EXOC4: variants seen among roughly 807,000 people sequenced by gnomAD.
The protein encoded by EXOC4 is SEC8-like 1.
In EXOC4, 71 loss-of-function variants were observed where a neutral mutation model predicts 107.2. The observed-to-expected ratio is 0.66, with a 90% confidence interval of 0.55 to 0.81. The LOEUF is 0.81. EXOC4 is among the 30% of genes least tolerant of loss of function. The probability of loss-of-function intolerance (pLI) is 0.00; values close to 1 mark genes in which losing one functional copy is unlikely to be tolerated. For synonymous variants in EXOC4, 456 were observed against 441.2 expected (o/e 1.03, Z -0.42); for missense variants, 1,108 against 1,189.6 (o/e 0.93, Z 1.01).
intron 17 of EXOC4, among the ~76,000 whole-genome samples, chr7:134,048,552 C>T (rs1189586804): frequency 6.6e-6 from 1 of 152,204 alleles, no homozygotes; most frequent in African/African-American, 2.4e-5. Context: ...CCCTCCCTCA[C>T]ATTTCAACCA....
chr7:133,777,922 G>A (rs1025019767), intron 10 of EXOC4, among the ~76,000 whole-genome samples: 4 of 152,096 alleles, frequency 2.6e-5, no homozygotes, highest in Non-Finnish European at 4.4e-5. Context: ...ACTTTACCCA[G>A]GTAATAGTCT....
At chr7:133,553,493 C>T (rs533331229) in intron 9 of EXOC4, among the ~76,000 whole-genome samples, 1 of 152,258 alleles carries the variant, frequency 6.6e-6, no homozygotes, top group South Asian at 2.1e-4. Context: ...GAACTCCTTG[C>T]TATTCCTGAG....
intron 1 of EXOC4, among the ~76,000 whole-genome samples, chr7:133,268,421 A>C (rs1793788052): frequency 6.6e-6 from 1 of 152,066 alleles, no homozygotes; most frequent in East Asian, 1.9e-4. Context: ...ACTTTTGGTG[A>C]CTGACCTTAT....
intron 9 of EXOC4, among the ~76,000 whole-genome samples, chr7:133,626,138 C>T (rs1416058345): frequency 6.6e-5 from 10 of 151,750 alleles, no homozygotes; most frequent in Non-Finnish European, 1.0e-4. Context: ...ACCTGGGAGG[C>T]GGAGGTTGCA....
the EXOC4 span, among the ~76,000 whole-genome samples, chr7:134,087,243 G>A: frequency 6.6e-6 from 1 of 152,108 alleles, no homozygotes; most frequent in Non-Finnish European, 1.5e-5. Context: ...GTTTGCAGAG[G>A]GATGAAGATC....
chr7:133,590,656 C>T (rs1240763043), intron 9 of EXOC4, among the ~76,000 whole-genome samples: 2 of 152,082 alleles, frequency 1.3e-5, no homozygotes, highest in Non-Finnish European at 2.9e-5. Flanking sequence ...GGCGGGACTT[C>T]GGGGAAGAGT....
chr7:133,821,305 A>G (rs1237760029), intron 11 of EXOC4, among the ~76,000 whole-genome samples: 1 of 152,184 alleles, frequency 6.6e-6, no homozygotes, highest in Non-Finnish European at 1.5e-5. Context: ...TAACTTGCCC[A>G]CAGTCACATA....
At chr7:133,472,596 G>A (rs532601887) in intron 7 of EXOC4, among the ~76,000 whole-genome samples, 1 of 152,300 alleles carries the variant, frequency 6.6e-6, no homozygotes, top group South Asian at 2.1e-4. Context: ...ACAGATGTGG[G>A]ACTGGAGCTC....
At chr7:133,605,379 AC>A (rs1174813396) in intron 9 of EXOC4, among the ~76,000 whole-genome samples, 9 of 152,118 alleles carry the variant, frequency 5.9e-5, no homozygotes, top group Non-Finnish European at 1.2e-4. Context: ...CCTATAGGAA[AC>A]CGCTATTCAT....
intron 7 of EXOC4, among the ~76,000 whole-genome samples, chr7:133,427,417 C>T (rs192594762): frequency 1.3e-3 from 199 of 152,262 alleles, no homozygotes; most frequent in Non-Finnish European, 1.7e-3. Context: ...AAACTATTAT[C>T]TTATGGAATG....
chr7:133,480,467 C>A, intron 9 of EXOC4: 2 of 1,106,660 alleles, frequency 1.8e-6, no homozygotes, highest in African/African-American at 3.2e-5. Context: ...ACTGTTACTT[C>A]TAATTGTTGT....
chr7:133,649,089 G>A (rs987546035), intron 10 of EXOC4, among the ~76,000 whole-genome samples: 1 of 152,054 alleles, frequency 6.6e-6, no homozygotes, highest in African/African-American at 2.4e-5. Flanking sequence ...ATTTAGTTGA[G>A]CATTTTCTTG....
chr7:134,059,997 C>T (rs950110767), intron 17 of EXOC4, among the ~76,000 whole-genome samples: 3 of 152,056 alleles, frequency 2.0e-5, no homozygotes, highest in South Asian at 2.1e-4. Flanking sequence ...GAGAAAGAGT[C>T]GCAGTGCAAT....
intron 14 of EXOC4, among the ~76,000 whole-genome samples, chr7:133,973,506 G>A (rs1168123433): frequency 1.3e-5 from 2 of 152,144 alleles, no homozygotes; most frequent in African/African-American, 2.4e-5. Context: ...ATTCAGTAGG[G>A]CTACATTGCA....
At chr7:133,865,193 T>C (rs1304477766) in intron 11 of EXOC4, among the ~76,000 whole-genome samples, 1 of 152,178 alleles carries the variant, frequency 6.6e-6, no homozygotes, top group African/African-American at 2.4e-5. Context: ...CTAAGATTTT[T>C]ATTTTACTGA....
chr7:133,588,300 T>C (rs183845182), intron 9 of EXOC4, among the ~76,000 whole-genome samples: 53 of 152,326 alleles, frequency 3.5e-4, no homozygotes, highest in Admixed American at 2.8e-3. Flanking sequence ...AAATGAATGA[T>C]TTTCTTTCCT....
At chr7:133,798,711 G>C (rs1396716198) in intron 10 of EXOC4, among the ~76,000 whole-genome samples, 1 of 152,080 alleles carries the variant, frequency 6.6e-6, no homozygotes, top group Non-Finnish European at 1.5e-5. Context: ...GGCCTCTCCT[G>C]TATATTATGT....
chr7:133,929,641 G>A (rs1266959235), intron 13 of EXOC4, among the ~76,000 whole-genome samples: 1 of 151,930 alleles, frequency 6.6e-6, no homozygotes, highest in Non-Finnish European at 1.5e-5. Flanking sequence ...CATGTCATGG[G>A]GATTTAGCCT....
In EXOC4 at chr7:133,579,727, G is replaced by A. The variant is rs889788881; in HGVS notation, c.1418-50318G>A. Among the ~76,000 whole-genome samples, 14 of 144,750 alleles carry A rather than the reference G, an allele frequency of 9.7e-5. No homozygotes were observed. The South Asian group carries it at 1.1e-3, about 11-fold the overall frequency. The allele number at this position is 144,750 out of a possible 152,430, so 95.0% of individuals were successfully genotyped here. A position where few individuals can be genotyped will look rare whatever the true frequency, so the allele number is the denominator to read the frequency against. On this transcript the variant is annotated intron_variant, in intron 9 of 17. Transcript: ENST00000253861. ...TCTTGAGATGGAGTCTCACTCTGTC[G>A]CCAGGCTGGAGTACAGTGGCATGAT...
Sources: gnomAD v4.1 joint callset for allele counts (sites outside exome capture counted in the v4.1 genomes callset) on GRCh38, gnomAD v4.1.1 for gene constraint, MANE v1.5 for transcripts, NCBI Gene and HGNC (gene_info 2026-07-23, HGNC 2026-07-21) for gene names.